The following NRG1 variants were observed in gnomAD, a reference collection of about 807,000 sequenced individuals.
The protein encoded by NRG1 is neuregulin 1.
In NRG1, 18 loss-of-function variants were observed where a neutral mutation model predicts 63.8. That is an observed-to-expected ratio of 0.28 (90% CI 0.19 to 0.42). The LOEUF is 0.42. Among genes scored for constraint, NRG1 ranks in the 10% least tolerant of loss-of-function variants. NRG1 has a pLI of 1.00. For synonymous variants in NRG1, 302 were observed against 301.3 expected (o/e 1.00, Z -0.02); for missense variants, 762 against 814.7 (o/e 0.94, Z 0.79).
intron 1 of NRG1, among the ~76,000 whole-genome samples, chr8:32,271,632 C>A (rs1233793138): frequency 1.3e-5 from 2 of 152,014 alleles, no homozygotes; most frequent in Non-Finnish European, 2.9e-5. Context: ...ACCTGGTGAA[C>A]CCCCCACACC....
At chr8:32,387,043 G>A (rs1811108614) in intron 1 of NRG1, among the ~76,000 whole-genome samples, 2 of 152,140 alleles carry the variant, frequency 1.3e-5, no homozygotes, top group Admixed American at 6.5e-5. Flanking sequence ...TGCTCTATCA[G>A]GAGAGATTCA....
At chr8:31,801,745 T>C (rs1329415223) in intron 1 of NRG1, among the ~76,000 whole-genome samples, 1 of 152,242 alleles carries the variant, frequency 6.6e-6, no homozygotes, top group Non-Finnish European at 1.5e-5. Context: ...TTCAAAGAAA[T>C]ATTATCTCTG....
chr8:31,950,600 G>A (rs1586011325), intron 1 of NRG1, among the ~76,000 whole-genome samples: 1 of 152,178 alleles, frequency 6.6e-6, no homozygotes, highest in African/African-American at 2.4e-5. Context: ...CAGTCAACTA[G>A]TCGGCTTCTC....
At position 32,668,433 on chromosome 8, in the gene NRG1, T is replaced by C. The variant is rs7830768; in HGVS notation, c.502+51548T>C. On this transcript the variant is annotated intron_variant, in intron 5 of 11. Coordinates refer to ENST00000356819, the Ensembl canonical transcript of NRG1. Reference sequence around the variant, plus strand: ...AAAATATGAGTGTAGGTTATTGAAGTGTCAGGGTTGTGGTGGCCCTCTTGG... The same window carrying C: ...AAAATATGAGTGTAGGTTATTGAAGCGTCAGGGTTGTGGTGGCCCTCTTGG... Among the ~76,000 whole-genome samples, 805 of 152,154 alleles carry C rather than the reference T, an allele frequency of 5.3e-3. 6 individuals are homozygous for C. Among genetic ancestry groups the C allele is most frequent in the African/African-American group, 0.018 (765 of 41,518 alleles).
intron 7 of NRG1, chr8:32,749,792 A>G (rs1193931348): frequency 5.0e-6 from 3 of 598,882 alleles, no homozygotes; most frequent in South Asian, 2.1e-5. Context: ...TTAGATTCCT[A>G]AGCATCCTTC....
In NRG1 at chr8:32,140,817, C is replaced by A. The variant is rs189023587; in HGVS notation, c.38-455011C>A. Among the ~76,000 whole-genome samples, 844 of 152,248 alleles carry A rather than the reference C, an allele frequency of 5.5e-3. 7 individuals are homozygous for A. Among genetic ancestry groups the A allele is most frequent in the Non-Finnish European group, 8.0e-3 (546 of 68,012 alleles). ...TACTTTAAGTCACAACTCAGGGTGACAACCTCCACCTCCATTGACTTCTCC... is the reference window on the plus strand; with the variant it reads ...TACTTTAAGTCACAACTCAGGGTGAAAACCTCCACCTCCATTGACTTCTCC... On this transcript the variant is annotated intron_variant, in intron 1 of 10. Transcript: ENST00000519301.
At chr8:32,672,858 T>A (rs780499031) in intron 5 of NRG1, among the ~76,000 whole-genome samples, 1 of 152,174 alleles carries the variant, frequency 6.6e-6, no homozygotes, top group East Asian at 1.9e-4. Flanking sequence ...CCTGACAAAG[T>A]ACTTAAATAT....
chr8:31,730,422 C>G (rs932160491), intron 1 of NRG1, among the ~76,000 whole-genome samples: 8 of 152,120 alleles, frequency 5.3e-5, no homozygotes, highest in African/African-American at 1.9e-4. Flanking sequence ...CACATTCACT[C>G]ATGCCCATGT....
intron 1 of NRG1, among the ~76,000 whole-genome samples, chr8:32,239,794 A>G (rs894021279): frequency 2.6e-5 from 4 of 152,342 alleles, no homozygotes; most frequent in African/African-American, 4.8e-5. Flanking sequence ...GATGGAAAAT[A>G]AGCACATGAA....
intron 1 of NRG1, among the ~76,000 whole-genome samples, chr8:31,906,850 A>T (rs1832558050): frequency 6.6e-6 from 1 of 152,204 alleles, no homozygotes; most frequent in South Asian, 2.1e-4. Flanking sequence ...ATGGACACAA[A>T]CATGGCTCAA....
rs899837538 is a variant in NRG1 at position 32,461,700 on chromosome 8, A to C, written c.38-134128A>C. Among the ~76,000 whole-genome samples, 5 of 152,210 alleles carry C rather than the reference A, an allele frequency of 3.3e-5. 1 individual carries two copies. The highest frequency in any genetic ancestry group is 3.3e-4 in the Admixed American group (5 of 15,270). ...AAAGCGAGACTCTGTCTCCAAAAAA[A>C]AGAAAAGAAATCCTCAGAGAAGATA... On this transcript the variant is annotated intron_variant, in intron 1 of 10. Coordinates refer to the NRG1 transcript ENST00000519301.
intron 1 of NRG1, among the ~76,000 whole-genome samples, chr8:32,024,198 A>G (rs1191409116): frequency 1.3e-5 from 2 of 152,176 alleles, no homozygotes; most frequent in Non-Finnish European, 2.9e-5. Flanking sequence ...CATTACATAC[A>G]TGTCTTGAAT....
At chr8:32,357,264 A>G (rs1231180309) in intron 1 of NRG1, among the ~76,000 whole-genome samples, 1 of 152,212 alleles carries the variant, frequency 6.6e-6, no homozygotes. Flanking sequence ...GAAATAAGTA[A>G]GAAAGAAAAT....
chr8:32,674,229 A>ATTT (rs1369659982), intron 5 of NRG1, among the ~76,000 whole-genome samples: 1 of 152,178 alleles, frequency 6.6e-6, no homozygotes, highest in Admixed American at 6.5e-5. Context: ...ATCCAATTTT[A>ATTT]TTTTATGAAA....
chr8:31,922,705 G>A (rs1416847879), intron 1 of NRG1, among the ~76,000 whole-genome samples: 1 of 152,148 alleles, frequency 6.6e-6, no homozygotes, highest in African/African-American at 2.4e-5. Flanking sequence ...CCAAGTTCTA[G>A]TCCAAATTGC....
intron 1 of NRG1, among the ~76,000 whole-genome samples, chr8:32,065,171 T>A (rs2199537): frequency 0.025 from 3,725 of 151,600 alleles, 128 homozygotes; most frequent in African/African-American, 0.072. Flanking sequence ...AAGAACTTTG[T>A]GGCCATCGAT....
chr8:32,136,068 C>T (rs2131676005), intron 1 of NRG1, among the ~76,000 whole-genome samples: 1 of 151,958 alleles, frequency 6.6e-6, no homozygotes, highest in East Asian at 1.9e-4. Context: ...GTGCCCTTTG[C>T]ATTTTTGCTC....
At chr8:32,766,561 T>C (rs1831445478) in exon 12 of NRG1, 2 of 152,248 alleles carry the variant, frequency 1.3e-5, no homozygotes, top group Non-Finnish European at 2.9e-5. Flanking sequence ...AAATTCTGTT[T>C]CAAATTCTTT....
intron 1 of NRG1, among the ~76,000 whole-genome samples, chr8:32,354,429 ACTAAT>A (rs1368771611): frequency 2.6e-5 from 4 of 152,150 alleles, no homozygotes; most frequent in African/African-American, 7.2e-5. Context: ...AGAAAAGAAA[ACTAAT>A]CTATATAAAA....
Sources: allele counts gnomAD v4.1 joint callset (sites outside exome capture counted in the v4.1 genomes callset), GRCh38; gene constraint gnomAD v4.1.1; transcripts MANE v1.5; gene names NCBI Gene and HGNC (gene_info 2026-07-23, HGNC 2026-07-21).